KRIT1: variants seen among roughly 807,000 people sequenced by gnomAD.
KRIT1 encodes KRIT1 ankyrin repeat containing, also known as krev interaction trapped protein 1.
In KRIT1, 45 loss-of-function variants were observed where a neutral mutation model predicts 95.8. The observed-to-expected ratio is 0.47, with a 90% CI of 0.37 to 0.60. The LOEUF is 0.60. Ranked by LOEUF, KRIT1 falls within the 20% of genes least tolerant of loss-of-function variation. KRIT1 has a pLI of 0.00. For synonymous variants in KRIT1, 282 were observed against 278.8 expected, an observed-to-expected ratio of 1.01 and a Z score of -0.11; for missense variants, 788 against 877.5, an observed-to-expected ratio of 0.90 and a Z score of 1.29.
intron 17 of KRIT1, among the ~76,000 whole-genome samples, chr7:92,205,424 A>T (rs1315581071): frequency 6.6e-6 from 1 of 152,216 alleles, no homozygotes; most frequent in African/African-American, 2.4e-5. Context: ...CCTAATCTAA[A>T]TGCCTTTTAA....
chr7:92,202,294 G>A (rs1337392617), intron 17 of KRIT1: 6 of 152,082 alleles, frequency 3.9e-5, no homozygotes, highest in African/African-American at 1.4e-4. Context: ...GTAATTGATT[G>A]TGATCAAAGA....
chr7:92,212,136 A>T (rs1008075765), intron 17 of KRIT1, among the ~76,000 whole-genome samples: 6 of 152,110 alleles, frequency 3.9e-5, no homozygotes, highest in Admixed American at 3.3e-4. Context: ...AAAAATGTTT[A>T]AATGTGAAAA....
chr7:92,205,144 C>A (rs928846175), intron 17 of KRIT1, among the ~76,000 whole-genome samples: 2 of 152,066 alleles, frequency 1.3e-5, no homozygotes, highest in African/African-American at 4.8e-5. Context: ...GTCAGGTGTT[C>A]GAGACTGGCC....
intron 17 of KRIT1, among the ~76,000 whole-genome samples, chr7:92,210,980 T>C (rs1244047413): frequency 6.6e-6 from 1 of 152,174 alleles, no homozygotes; most frequent in Non-Finnish European, 1.5e-5. Context: ...CACAGTGACA[T>C]TTCATCCCAC....
At chr7:92,202,904 T>C (rs1012932581) in intron 17 of KRIT1, among the ~76,000 whole-genome samples, 2 of 152,216 alleles carry the variant, frequency 1.3e-5, no homozygotes, top group Non-Finnish European at 2.9e-5. Flanking sequence ...CTTATCAAGG[T>C]ACAGACTGAA....
chr7:92,226,785 A>G, intron 10 of KRIT1, 103 bp from the exon 11 acceptor site: 1 of 967,702 alleles, frequency 1.0e-6, no homozygotes, highest in Non-Finnish European at 1.6e-6. Context: ...TGATATCTCA[A>G]AGAAATCTAA....
chr7:92,242,110 T>C lies in KRIT1; in HGVS notation c.26A>G (p.Asp9Gly). The change falls in exon 4 of 19, where the codon GAT becomes GGT. Residue 9 changes from aspartate to glycine, a missense_variant. Around this residue, in one of 3 missense-constraint regions of KRIT1, gnomAD observed 289 missense variants for 277.5 expected, o/e 1.04. Transcript: ENST00000394505. Reference sequence around the variant, plus strand: ...TGGACGAATAACAGCAACATATGCATCTTCTATGTTTTCTGGATTTCCCAT... The same window carrying C: ...TGGACGAATAACAGCAACATATGCACCTTCTATGTTTTCTGGATTTCCCAT... MGNPENIE[D>G]AYVAVIRPKN... The C allele has an allele frequency of 6.3e-7, 1 of 1,599,008 alleles. No individual in the cohort carries two copies. Among genetic ancestry groups the C allele is most frequent in the Non-Finnish European group, 8.6e-7 (1 of 1,166,488 alleles).
At chr7:92,201,467 A>C (rs1002862290) in intron 17 of KRIT1, 44 bp from the exon 18 acceptor site, 6 of 918,826 alleles carry the variant, frequency 6.5e-6, no homozygotes, top group African/African-American at 4.9e-5. Context: ...ACATATTAAA[A>C]ACTTCACCTA....
chr7:92,204,689 T>C (rs751956497), intron 17 of KRIT1, among the ~76,000 whole-genome samples: 1 of 152,098 alleles, frequency 6.6e-6, no homozygotes, highest in Non-Finnish European at 1.5e-5. Flanking sequence ...AATGCCACCG[T>C]TGATCTGACA....
chr7:92,231,659 C>A (rs1161606745), intron 10 of KRIT1, among the ~76,000 whole-genome samples: 1 of 152,092 alleles, frequency 6.6e-6, no homozygotes, highest in East Asian at 1.9e-4. Context: ...GAGTATACTT[C>A]CAAGATAAAT....
chr7:92,221,834 G>T, intron 14 of KRIT1, 68 bp downstream of exon 14: 1 of 1,360,812 alleles, frequency 7.3e-7, no homozygotes. Context: ...TCTGCCTCTA[G>T]TGCTTACAAT....
intron 6 of KRIT1, among the ~76,000 whole-genome samples, chr7:92,237,020 G>A (rs935753532): frequency 1.3e-5 from 2 of 152,018 alleles, no homozygotes; most frequent in East Asian, 1.9e-4. Flanking sequence ...AGGTGATTTC[G>A]TATCTAATAC....
At chr7:92,237,583 G>T in intron 6 of KRIT1, 84 bp downstream of exon 6, 1 of 690,898 alleles carries the variant, frequency 1.4e-6, no homozygotes, top group Non-Finnish European at 2.6e-6. Flanking sequence ...TAGTAACTAT[G>T]AATGCAAATT....
At chr7:92,221,423 G>T (rs1010468511) in intron 14 of KRIT1, among the ~76,000 whole-genome samples, 6 of 151,694 alleles carry the variant, frequency 4.0e-5, no homozygotes, top group Admixed American at 3.3e-4. Flanking sequence ...CACAGAGCAA[G>T]ACTCAGTCTC....
intron 10 of KRIT1, among the ~76,000 whole-genome samples, chr7:92,233,161 T>TACACAC (rs139965359): frequency 3.0e-4 from 45 of 149,470 alleles, no homozygotes; most frequent in Admixed American, 9.4e-4. Flanking sequence ...GATCTTTTTA[T>TACACAC]ACACACACAC....
At chr7:92,232,607 C>T (rs1797536153) in intron 10 of KRIT1, among the ~76,000 whole-genome samples, 1 of 151,758 alleles carries the variant, frequency 6.6e-6, no homozygotes, top group Admixed American at 6.6e-5. Context: ...CTGCCTTTGC[C>T]TTTTCCAAAT....
intron 10 of KRIT1, among the ~76,000 whole-genome samples, chr7:92,232,843 G>A (rs974896110): frequency 4.6e-5 from 7 of 151,824 alleles, no homozygotes; most frequent in South Asian, 2.1e-4. Flanking sequence ...ACAGGCACCC[G>A]CCACCACACC....
intron 2 of KRIT1, among the ~76,000 whole-genome samples, chr7:92,244,412 G>A (rs1036029648): frequency 6.6e-6 from 1 of 152,094 alleles, no homozygotes; most frequent in Non-Finnish European, 1.5e-5. Flanking sequence ...ACTTTTAAAA[G>A]GTAAACAAAT....
Position 92,234,458 on chromosome 7 carries a change from T to C in KRIT1, c.980A>G (p.Tyr327Cys). 1 of 1,602,162 alleles carries C rather than the reference T, an allele frequency of 6.2e-7. No homozygotes were observed. Among genetic ancestry groups the C allele is most frequent in the Non-Finnish European group, 8.6e-7 (1 of 1,169,110 alleles). The change falls in exon 10 of 19, where the codon TAT (tyrosine) becomes TGT (cysteine). Residue 327 changes from tyrosine (Y) to cysteine (C), a missense_variant. This residue lies in a region of KRIT1 where 493 missense variants were observed against 582.3 expected (regional missense o/e 0.85). Transcript: ENST00000394505. ...LDSDHWAPIH[Y>C]ACWYGKVEAT... is the part of the protein sequence containing the mutation. ...TAAATATTCCATTTACCAGCATGCA[T>C]AATGAATGGGTGCCCAGTGGTCACT...
Sources: allele counts gnomAD v4.1 joint callset (sites outside exome capture counted in the v4.1 genomes callset), GRCh38; gene constraint gnomAD v4.1.1; regional missense constraint gnomAD v4.1.1; transcripts MANE v1.5; gene names NCBI Gene and HGNC (gene_info 2026-07-23, HGNC 2026-07-21).